TULP4: variants seen among roughly 807,000 people sequenced by gnomAD.
The protein encoded by TULP4 is TUB like protein 4.
Under a neutral mutation model 129.0 loss-of-function variants are expected in TULP4, and 16 were observed. That is an observed-to-expected ratio of 0.12 (90% CI 0.08 to 0.19). TULP4 has a LOEUF of 0.19. Among genes scored for constraint, TULP4 ranks in the 10% least tolerant of loss-of-function variants. The pLI is 1.00. For synonymous variants in TULP4, 998 were observed against 854.0 expected, an observed-to-expected ratio of 1.17 and a Z score of -2.94; for missense variants, 1,842 against 2,059.1, an observed-to-expected ratio of 0.89 and a Z score of 2.04.
At chr6:158,309,424 G>A (rs1281535056), upstream of TULP4, among the ~76,000 whole-genome samples, 8 of 147,528 alleles carry the variant, frequency 5.4e-5, no homozygotes, top group African/African-American at 7.6e-5. Context: ...GCCAGGCAGA[G>A]GGGCTCCTCA....
At chr6:158,253,071 C>T (rs1778174050) in intron 1 of TULP4, among the ~76,000 whole-genome samples, 1 of 152,210 alleles carries the variant, frequency 6.6e-6, no homozygotes, top group African/African-American at 2.4e-5. Flanking sequence ...ATAGAAATCC[C>T]ATGCGAATTG....
In TULP4 at chr6:158,441,994, C is replaced by G. The variant is rs920707522; in HGVS notation, c.544-7002C>G. 5.3e-5 allele frequency among the ~76,000 whole-genome samples: 8 copies of G among 152,270 alleles called. 1 individual carries two copies. Among genetic ancestry groups the G allele is most frequent in the African/African-American group, 1.4e-4 (6 of 41,560 alleles). ...GAGAGCCTAATCGCGTTGACAGCCC[C>G]CTTCCTGCTTTTCAGTTATTTCTGC... On this transcript the variant is annotated intron_variant, in intron 3 of 13. Coordinates refer to ENST00000367097, the MANE Select transcript of TULP4 (RefSeq NM_020245.5).
intron 1 of TULP4, among the ~76,000 whole-genome samples, chr6:158,253,527 G>A (rs993679085): frequency 6.6e-6 from 1 of 152,136 alleles, no homozygotes; most frequent in Admixed American, 6.5e-5. Context: ...AAGAGCATTA[G>A]CAGGGAGGCC....
intron 8 of TULP4, among the ~76,000 whole-genome samples, chr6:158,485,283 A>C (rs1328077837): frequency 2.0e-5 from 3 of 152,354 alleles, no homozygotes; most frequent in Admixed American, 2.0e-4. Context: ...GGAAGAAGGA[A>C]TTGTTAAGAT....
At chr6:158,382,029 A>AT (rs1194424849) in intron 1 of TULP4, among the ~76,000 whole-genome samples, 6 of 152,332 alleles carry the variant, frequency 3.9e-5, no homozygotes, top group African/African-American at 1.4e-4. Context: ...CATAATAAAC[A>AT]TTCATGTTGA....
rs113404080 is a variant in TULP4, at chr6:158,344,423, C to T, written c.252+30155C>T. Reference sequence around the variant, plus strand: ...TGTGTTTTTTACAAATTGAAGTTCCCGCATCAAGCAAGTCTTTCGGTGCCA... The same window carrying T: ...TGTGTTTTTTACAAATTGAAGTTCCTGCATCAAGCAAGTCTTTCGGTGCCA... On this transcript the variant is annotated intron_variant, in intron 1 of 13. Coordinates refer to ENST00000367097, the MANE Select transcript of TULP4 (RefSeq NM_020245.5). 1.3e-3 allele frequency among the ~76,000 whole-genome samples: 201 copies of T among 152,176 alleles called. 1 individual carries two copies. Among genetic ancestry groups the T allele is most frequent in the African/African-American group, 4.5e-3 (188 of 41,514 alleles).
intron 1 of TULP4, chr6:158,242,300 T>C: frequency 1.3e-6 from 2 of 1,561,476 alleles, no homozygotes; most frequent in Non-Finnish European, 1.8e-6. Flanking sequence ...ACAGCTCATG[T>C]GTGCCTTCTT....
intron 5 of TULP4, among the ~76,000 whole-genome samples, chr6:158,453,844 T>C (rs1779223729): frequency 6.7e-6 from 1 of 150,068 alleles, no homozygotes; most frequent in Non-Finnish European, 1.5e-5. Flanking sequence ...TCCCAGCTAC[T>C]TGGGAGGCTG....
chr6:158,365,617 C>T (rs1456722365), intron 1 of TULP4, among the ~76,000 whole-genome samples: 1 of 151,524 alleles, frequency 6.6e-6, no homozygotes, highest in Non-Finnish European at 1.5e-5. Context: ...GCTGGGACTA[C>T]AGGTGCCCGC....
Position 158,413,182 on chromosome 6 carries a change from C to T in TULP4, c.370C>T (p.Arg124Cys), listed in dbSNP as rs1396439861. The T allele has an allele frequency of 1.9e-6, 3 of 1,612,120 alleles. No individual in the cohort carries two copies. Among genetic ancestry groups the T allele is most frequent in the Non-Finnish European group, 2.5e-6 (3 of 1,178,546 alleles). The change falls in exon 2 of 14, where the codon CGC becomes TGC. Residue 124 changes from arginine (R) to cysteine (C), a missense_variant. By Grantham distance (180) the Arg-to-Cys change is radical. This residue lies in a region of TULP4 where 151 missense variants were observed against 268.7 expected (regional missense o/e 0.56). Transcript: ENST00000367097. This position sits in a 1 kb window ranked among gnomAD's most constrained non-coding sequence, Gnocchi z 4.9. Reference sequence around the variant, plus strand: ...GTGGTCTGTGGAGCTGGTCAACGACCGCGGGGCGCAGGTGAGTGGCAGGCG... The same window carrying T: ...GTGGTCTGTGGAGCTGGTCAACGACTGCGGGGCGCAGGTGAGTGGCAGGCG... ...GRWSVELVND[R>C]GAQVSDFTWS...
chr6:158,455,460 G>A (rs1459785051), intron 5 of TULP4, among the ~76,000 whole-genome samples: 1 of 152,020 alleles, frequency 6.6e-6, no homozygotes, highest in African/African-American at 2.4e-5. Context: ...CTTTCAGCGG[G>A]GTACGGTGGC....
At chr6:158,268,034 T>TC (rs1778481660) in intron 1 of TULP4, among the ~76,000 whole-genome samples, 1 of 74,034 alleles carries the variant, frequency 1.4e-5, no homozygotes, top group African/African-American at 3.3e-5. Flanking sequence ...TTTTCTTTTT[T>TC]CTTTTTTTTT....
intron 1 of TULP4, among the ~76,000 whole-genome samples, chr6:158,354,808 G>A (rs546679844): frequency 1.2e-4 from 18 of 150,492 alleles, no homozygotes; most frequent in African/African-American, 4.4e-4. Flanking sequence ...TGATTGCTTG[G>A]GCCCAGGAGT....
chr6:158,239,648 C>A (rs1583664811), intron 1 of TULP4, among the ~76,000 whole-genome samples: 1 of 72,204 alleles, frequency 1.4e-5, no homozygotes, highest in African/African-American at 4.6e-5. Context: ...GCTGACCCCC[C>A]CACCTCCCTC....
intron 1 of TULP4, among the ~76,000 whole-genome samples, chr6:158,393,263 G>A (rs1777630021): frequency 6.6e-6 from 1 of 152,188 alleles, no homozygotes; most frequent in Admixed American, 6.5e-5. Context: ...GTAGGGTACA[G>A]CCCCCATGGC....
intron 1 of TULP4, among the ~76,000 whole-genome samples, chr6:158,373,485 C>T (rs1031061172): frequency 2.6e-5 from 4 of 152,306 alleles, no homozygotes; most frequent in Admixed American, 2.0e-4. Flanking sequence ...CAGTCATCGT[C>T]GTCATCGTGG....
intron 6 of TULP4, among the ~76,000 whole-genome samples, chr6:158,462,294 T>TA (rs1779446083): frequency 6.6e-6 from 1 of 152,144 alleles, no homozygotes; most frequent in African/African-American, 2.4e-5. Flanking sequence ...TCTTTTTTTT[T>TA]TAAGTCTCCA....
chr6:158,377,743 T>C (rs546038598), intron 1 of TULP4, among the ~76,000 whole-genome samples: 1 of 152,338 alleles, frequency 6.6e-6, no homozygotes, highest in East Asian at 1.9e-4. Context: ...TAGGACTTTT[T>C]TTTTCCTTTT....
At chr6:158,254,732 G>A (rs1364756517) in intron 1 of TULP4, among the ~76,000 whole-genome samples, 1 of 152,208 alleles carries the variant, frequency 6.6e-6, no homozygotes, top group African/African-American at 2.4e-5. Context: ...GTCATGAGAT[G>A]TTAAGCAGAA....
Sources: gnomAD v4.1 joint callset for allele counts (sites outside exome capture counted in the v4.1 genomes callset) on GRCh38, gnomAD v4.1.1 for gene constraint, gnomAD v4.1.1 regional missense constraint, Gnocchi (gnomAD v3.1) non-coding constraint, MANE v1.5 for transcripts, NCBI Gene and HGNC (gene_info 2026-07-23, HGNC 2026-07-21) for gene names.